The following FASTKD1 variants were observed in gnomAD, a reference collection of about 807,000 sequenced individuals.
FASTKD1 encodes FAST kinase domain-containing protein 1, mitochondrial.
FASTKD1 carries 94 observed loss-of-function variants against 90.9 expected under a neutral mutation model. The ratio of observed to expected loss-of-function variants is 1.03; its 90% CI spans 0.88 to 1.23. The LOEUF (loss-of-function observed/expected upper bound fraction) is 1.23. Among genes scored for constraint, FASTKD1 ranks in the 50% most tolerant of loss-of-function variants. The pLI is 0.00. For synonymous variants in FASTKD1, 319 were observed against 345.8 expected, an observed-to-expected ratio of 0.92 and a Z score of 0.86; for missense variants, 945 against 993.5, an observed-to-expected ratio of 0.95 and a Z score of 0.66.
chr2:169,571,436 C>A (rs901658246), intron 2 of FASTKD1, among the ~76,000 whole-genome samples: 2 of 150,826 alleles, frequency 1.3e-5, no homozygotes, highest in Non-Finnish European at 2.9e-5. Context: ...TGGTGGCAGG[C>A]GCCTGTAGTC....
At chr2:169,544,682 G>A (rs1685106050) in intron 9 of FASTKD1, 39 bp downstream of exon 9, 1 of 1,111,806 alleles carries the variant, frequency 9.0e-7, no homozygotes, top group South Asian at 1.3e-5. Context: ...AGTATCCTCT[G>A]ACTTATTCAC....
chr2:169,551,575 T>C (rs1394847297), intron 7 of FASTKD1, among the ~76,000 whole-genome samples: 1 of 152,064 alleles, frequency 6.6e-6, no homozygotes, highest in Non-Finnish European at 1.5e-5. Flanking sequence ...GGCAGGCAGA[T>C]TACTTGAGCA....
chr2:169,544,726 T>C lies in FASTKD1; in HGVS notation c.1811A>G (p.Tyr604Cys). Residue 604 changes from tyrosine (Y) to cysteine (C), a missense_variant, in exon 9 of 15, where the codon TAC becomes TGC. Physicochemically the swap from Tyr to Cys is radical, Grantham distance 194. Coordinates refer to ENST00000453153, the MANE Select transcript of FASTKD1 (RefSeq NM_024622.6). The stretch of plus-strand genomic sequence containing the variant: ...TTACCAAACAATATACCTACCTAAG[T>C]AAGAATTAAGATGTTGCACGCAAGT... The part of the protein sequence containing the change: ...LGTCVQHLNS[Y>C]LGILDPFILV... 1 of 1,564,588 alleles carries C rather than the reference T, an allele frequency of 6.4e-7. No individual in the cohort carries two copies. The highest frequency in any genetic ancestry group is 1.1e-5 in the South Asian group (1 of 89,862).
At chr2:169,561,801 T>G (rs1364191711) in intron 4 of FASTKD1, among the ~76,000 whole-genome samples, 2 of 132,676 alleles carry the variant, frequency 1.5e-5, no homozygotes, top group South Asian at 2.1e-4. Context: ...TGTAAATTAT[T>G]TATTAATTTA....
At chr2:169,555,045 A>G (rs1293880249) in intron 7 of FASTKD1, 79 bp downstream of exon 7, 3 of 1,347,698 alleles carry the variant, frequency 2.2e-6, no homozygotes, top group Non-Finnish European at 3.0e-6. Flanking sequence ...AACTTCTAGC[A>G]CCACTGTACA....
rs372928572 is a variant in FASTKD1, at chr2:169,546,462, T to C, written c.1457A>G (p.Tyr486Cys). Residue 486 changes from tyrosine (Y) to cysteine (C), a missense_variant, in exon 8 of 15, where the codon TAT becomes TGT. Transcript: ENST00000453153. ...GCTGTGTTGTAGTCTCTGACGACCA[T>C]AGTGATCTAATTTTTGAAGTAGTTT... ...QLKLLQKLDHYGRQRLQHSNS... is the reference protein window; with the variant it reads ...QLKLLQKLDHCGRQRLQHSNS... 1.2e-4 allele frequency: 199 copies of C among 1,614,212 alleles called. 2 individuals are homozygous for C. The South Asian group carries it at 2.0e-3, about 16-fold the overall frequency.
Position 169,531,559 on chromosome 2 carries a change from T to C in FASTKD1, c.2189-69A>G, listed in dbSNP as rs1684494430. The C allele has an allele frequency of 2.5e-6, 3 of 1,201,186 alleles. No homozygotes were observed. The South Asian group carries it at 4.6e-5, about 18-fold the overall frequency. 74.4% of individuals were successfully genotyped at this position (1,201,186 alleles called of 1,614,324 possible). ...TTACAGATAAAAGTTTAAGATATAT[T>C]TGAAATATATATGCATATAATATTT... On this transcript the variant is annotated intron_variant, in intron 12 of 14. Coordinates refer to ENST00000453153, the MANE Select transcript of FASTKD1 (RefSeq NM_024622.6).
At chr2:169,558,485 T>C (rs1258421307) in intron 5 of FASTKD1, among the ~76,000 whole-genome samples, 1 of 152,074 alleles carries the variant, frequency 6.6e-6, no homozygotes, top group Non-Finnish European at 1.5e-5. Flanking sequence ...GTTTCGCTCC[T>C]GTTGCCCAGG....
At chr2:169,556,546 G>C (rs1022973744) in intron 6 of FASTKD1, among the ~76,000 whole-genome samples, 1 of 151,908 alleles carries the variant, frequency 6.6e-6, no homozygotes, top group Non-Finnish European at 1.5e-5. Context: ...CTGGAGGGCT[G>C]GGTGCGGTGG....
chr2:169,529,836 A>G lies in FASTKD1; in HGVS notation c.2533T>C (p.Ser845Pro), dbSNP rs151034735. ...ATTTTAAATAAAAACTACAAACATG[A>G]CTTGACTTCTCCAAATATACATTCT... ...LRECIFGEVK[S>P]CL Residue 845 changes from serine to proline, a missense_variant, in exon 15 of 15, where the codon TCA (serine) becomes CCA (proline). Physicochemically the swap from Ser to Pro is moderately conservative, Grantham distance 74. Coordinates refer to ENST00000453153, the MANE Select transcript of FASTKD1 (RefSeq NM_024622.6). 167 of 1,608,630 alleles carry G rather than the reference A, an allele frequency of 1.0e-4. 1 individual carries two copies. The East Asian group carries it at 1.2e-3, about 12-fold the overall frequency.
chr2:169,538,106 G>A lies in FASTKD1; in HGVS notation c.1981C>T (p.His661Tyr). 1 of 1,607,518 alleles carries A rather than the reference G, an allele frequency of 6.2e-7. No homozygotes were observed. The highest frequency in any genetic ancestry group is 1.1e-5 in the South Asian group (1 of 89,380). The change falls in exon 11 of 15, where the codon CAT becomes TAT. Residue 661 changes from histidine (H) to tyrosine (Y), a missense_variant. By Grantham distance (83) the His-to-Tyr change is moderately conservative (BLOSUM62 2). Coordinates refer to ENST00000453153, the MANE Select transcript of FASTKD1 (RefSeq NM_024622.6). ...ACTGATCTATTTAACTCCATAAGAT[G>A]AAACTGGACTCTTGCACTTCGAGAT... is the stretch of plus-strand genomic sequence containing the variant. ...SPSRSARVQFHLMELNRSVCL... is the reference protein window; with the variant it reads ...SPSRSARVQFYLMELNRSVCL...
chr2:169,529,040 T>G lies in FASTKD1; in HGVS notation c.*785A>C, dbSNP rs1036076308. Among the ~76,000 whole-genome samples, 2 of 152,218 alleles carry G rather than the reference T, an allele frequency of 1.3e-5. No homozygotes were observed. Among genetic ancestry groups the G allele is most frequent in the African/African-American group, 4.8e-5 (2 of 41,466 alleles). On this transcript the variant is annotated 3_prime_UTR_variant, in exon 15 of 15. Coordinates refer to ENST00000453153, the MANE Select transcript of FASTKD1 (RefSeq NM_024622.6). The stretch of plus-strand genomic sequence containing the variant: ...CATCTACTCTCATGGCATTGAATAC[T>G]GCTGACATTTATACATTTATATCTG...
At chr2:169,542,238 C>T (rs574233501) in intron 9 of FASTKD1, among the ~76,000 whole-genome samples, 1 of 152,256 alleles carries the variant, frequency 6.6e-6, no homozygotes, top group African/African-American at 2.4e-5. Context: ...TTACTCTCTC[C>T]TGTATCTCCA....
chr2:169,569,158 C>A, intron 3 of FASTKD1, 26 bp downstream of exon 3: 1 of 1,595,308 alleles, frequency 6.3e-7, no homozygotes, highest in Non-Finnish European at 8.6e-7. Flanking sequence ...TAACCCTGAT[C>A]TTCAAGATGA....
intron 9 of FASTKD1, among the ~76,000 whole-genome samples, chr2:169,541,749 T>C (rs998321470): frequency 6.6e-6 from 1 of 152,204 alleles, no homozygotes; most frequent in Admixed American, 6.5e-5. Flanking sequence ...TCTCAGTATC[T>C]GTTGCTTGGT....
intron 7 of FASTKD1, among the ~76,000 whole-genome samples, chr2:169,548,483 G>A (rs1021009660): frequency 6.6e-6 from 1 of 150,426 alleles, no homozygotes; most frequent in Non-Finnish European, 1.5e-5. Context: ...TTTAATTCCA[G>A]CATTTTGAGA....
Position 169,560,755 on chromosome 2 carries a change from A to G in FASTKD1, c.603T>C (p.Ser201=). Residue 201 remains serine (S), a synonymous_variant, in exon 5 of 15, where the codon TCT becomes TCC. Coordinates refer to ENST00000453153, the MANE Select transcript of FASTKD1 (RefSeq NM_024622.6). ...SSLSVLMVNI[S]SLISRHFQQQ... is the part of the protein sequence containing the mutation. ...GTTGAAAATGTCGTGATATTAAAGA[A>G]GATATGTTGACCATCAAGACAGACA... 1 of 1,583,764 alleles carries G rather than the reference A, an allele frequency of 6.3e-7. No homozygotes were observed. The highest frequency in any genetic ancestry group is 1.2e-5 in the South Asian group (1 of 85,304).
chr2:169,546,219 T>C lies in FASTKD1; in HGVS notation c.1700A>G (p.Lys567Arg). The change falls in exon 8 of 15, where the codon AAG becomes AGG. Residue 567 changes from lysine (K) to arginine (R), a missense_variant and splice_region_variant. Physicochemically the swap from Lys to Arg is conservative, Grantham distance 26. Coordinates refer to ENST00000453153, the MANE Select transcript of FASTKD1 (RefSeq NM_024622.6). ...TAATGTCTACCATTTAAATTTCACC[T>C]TTTCAATCTGCTGAACAGCCACTGA... The part of the protein sequence containing the change: ...IASVAVQQIE[K>R]IHPFTIPAII... 1 of 1,539,776 alleles carries C rather than the reference T, an allele frequency of 6.5e-7. No individual in the cohort carries two copies. The highest frequency in any genetic ancestry group is 8.7e-7 in the Non-Finnish European group (1 of 1,145,096).
chr2:169,561,864 T>TTTATTAATTTATTTTA (rs1559156859), intron 4 of FASTKD1, among the ~76,000 whole-genome samples: 2 of 19,496 alleles, frequency 1.0e-4, no homozygotes, highest in Admixed American at 8.2e-4. Context: ...TATTGTAAAA[T>TTTATTAATTTATTTTA]AATTATTTAT....
Sources: gnomAD v4.1 joint callset for allele counts (sites outside exome capture counted in the v4.1 genomes callset) on GRCh38, gnomAD v4.1.1 for gene constraint, MANE v1.5 for transcripts, NCBI Gene and HGNC (gene_info 2026-07-23, HGNC 2026-07-21) for gene names.